BFAR: variants seen among roughly 807,000 people sequenced by gnomAD.
BFAR encodes bifunctional apoptosis regulator.
A neutral mutation model predicts 54.4 loss-of-function variants in BFAR; 52 were observed. That is an observed-to-expected ratio of 0.96 (90% confidence interval 0.77 to 1.21). The LOEUF is 1.21. Among genes scored for constraint, BFAR ranks in the 50% most tolerant of loss-of-function variants. The pLI is 0.00. For synonymous variants in BFAR, 215 were observed against 204.3 expected (o/e 1.05, Z -0.45); for missense variants, 571 against 534.0 (o/e 1.07, Z -0.68).
intron 1 of BFAR, among the ~76,000 whole-genome samples, chr16:14,643,251 C>T (rs550232407): frequency 1.3e-5 from 2 of 151,618 alleles, no homozygotes; most frequent in Non-Finnish European, 2.9e-5. Flanking sequence ...CAGAGGTTGA[C>T]GTGAGCCAAG....
intron 1 of BFAR, chr16:14,633,584 C>T (rs1359895410): frequency 6.6e-6 from 1 of 152,284 alleles, no homozygotes; most frequent in African/African-American, 2.4e-5. Flanking sequence ...CACACTGGGG[C>T]CAGGCAAGAA....
intron 1 of BFAR, among the ~76,000 whole-genome samples, chr16:14,642,910 T>C (rs1361384391): frequency 6.6e-6 from 1 of 152,212 alleles, no homozygotes; most frequent in Non-Finnish European, 1.5e-5. Flanking sequence ...GCATAGTAGC[T>C]CACACCTGTA....
At chr16:14,667,546 C>T in intron 7 of BFAR, 89 bp from the exon 8 acceptor site, 1 of 1,280,666 alleles carries the variant, frequency 7.8e-7, no homozygotes, top group Non-Finnish European at 1.1e-6. Context: ...CCATGCTCTT[C>T]CCAGCACCCA....
Position 14,664,981 on chromosome 16 carries a change from G to C in BFAR, c.1070G>C (p.Trp357Ser). Residue 357 changes from tryptophan (W) to serine (S), a missense_variant, in exon 7 of 8, where the codon TGG (tryptophan) becomes TCG (serine). Transcript: ENST00000261658. ...FAWDWLEVHY[W>S]TSRFLIINAM... ...TGGGACTGGTTGGAGGTCCATTACT[G>C]GACATCACGGTTTCTCATCATCAAT... The C allele has an allele frequency of 6.2e-7, 1 of 1,613,930 alleles. No individual in the cohort carries two copies. The highest frequency in any genetic ancestry group is 8.5e-7 in the Non-Finnish European group (1 of 1,179,826).
chr16:14,637,638 C>T (rs1959492530), intron 1 of BFAR, among the ~76,000 whole-genome samples: 1 of 152,140 alleles, frequency 6.6e-6, no homozygotes, highest in Admixed American at 6.6e-5. Flanking sequence ...GAGTTTGAGA[C>T]CAGCCTGGCC....
chr16:14,658,114 AAG>A (rs1342232002), intron 5 of BFAR, among the ~76,000 whole-genome samples: 2 of 152,180 alleles, frequency 1.3e-5, no homozygotes, highest in Non-Finnish European at 1.5e-5. Flanking sequence ...AGGCAAAAGT[AAG>A]AGAAAGGAAA....
chr16:14,663,566 C>T (rs1335125102), intron 6 of BFAR, among the ~76,000 whole-genome samples: 1 of 150,450 alleles, frequency 6.6e-6, no homozygotes, highest in Non-Finnish European at 1.5e-5. Flanking sequence ...CTCCTGACCT[C>T]GTAATCCGCC....
Position 14,664,884 on chromosome 16 carries a change from A to C in BFAR, c.973A>C (p.Thr325Pro), listed in dbSNP as rs771609214. The change falls in exon 7 of 8, where the codon ACG (threonine) becomes CCG (proline). Residue 325 changes from threonine (T) to proline (P), a missense_variant. Transcript: ENST00000261658. ...ATTTTTTAAGGATCTTAAGGAGCCT[A>C]CGTGGAAGCAGTGGAGAGAGTTCCT... ...VTKLLDLKEP[T>P]WKQWREFLVK... 1 of 1,613,796 alleles carries C rather than the reference A, an allele frequency of 6.2e-7. No individual in the cohort carries two copies. The highest frequency in any genetic ancestry group is 8.5e-7 in the Non-Finnish European group (1 of 1,179,708).
In BFAR at chr16:14,668,797, C is replaced by G. The variant is rs1960514439; in HGVS notation, c.*970C>G. 1 of 171,450 alleles carries G rather than the reference C, an allele frequency of 5.8e-6. No homozygotes were observed. Among genetic ancestry groups the G allele is most frequent in the Non-Finnish European group, 1.3e-5 (1 of 79,754 alleles). The allele number at this position is 171,450 out of a possible 1,614,324, so 10.6% of individuals were successfully genotyped here. A position where few individuals can be genotyped will look rare whatever the true frequency, so the allele number is the denominator to read the frequency against. ...GGTTGCAGGGAGGGAGACTGCACCA[C>G]TGCACTTCAGCCTGGGTGACAGAGG... On this transcript the variant is annotated 3_prime_UTR_variant, in exon 8 of 8. Transcript: ENST00000261658.
intron 5 of BFAR, among the ~76,000 whole-genome samples, chr16:14,659,287 G>T (rs1487534035): frequency 6.7e-6 from 1 of 149,238 alleles, no homozygotes; most frequent in Non-Finnish European, 1.5e-5. Context: ...CTGCCTCCAG[G>T]ATGGAGTGCA....
chr16:14,660,725 A>G (rs1236781650), intron 5 of BFAR, among the ~76,000 whole-genome samples: 1 of 149,772 alleles, frequency 6.7e-6, no homozygotes, highest in Admixed American at 6.7e-5. Context: ...ACATAGTGAA[A>G]CCCAGTGTCT....
intron 4 of BFAR, among the ~76,000 whole-genome samples, chr16:14,654,457 T>C (rs1466955550): frequency 6.6e-6 from 1 of 151,170 alleles, no homozygotes; most frequent in Non-Finnish European, 1.5e-5. Context: ...TAGGAGTGCC[T>C]TGGGAAAGTC....
chr16:14,635,282 C>CAA (rs1959396983), intron 1 of BFAR, among the ~76,000 whole-genome samples: 3 of 152,126 alleles, frequency 2.0e-5, no homozygotes, highest in Admixed American at 2.0e-4. Flanking sequence ...TTGCAGTGAG[C>CAA]CGAGATTGTG....
Position 14,649,843 on chromosome 16 carries a change from G to C in BFAR, c.508G>C (p.Glu170Gln). Residue 170 changes from glutamate (E) to glutamine (Q), a missense_variant, in exon 4 of 8, where the codon GAA (glutamate) becomes CAA (glutamine). Glu to Gln is a conservative substitution (Grantham distance 29). Coordinates refer to ENST00000261658, the MANE Select transcript of BFAR (RefSeq NM_016561.3). Reference protein sequence around the residue: ...LVYHWSSRESEHDLLVHKAVA... With the variant: ...LVYHWSSRESQHDLLVHKAVA... ...CTATCACTGGAGCAGCAGGGAATCT[G>C]AACACGACCTCCTGGTCCACAAGGC... is the stretch of plus-strand genomic sequence containing the variant. 6.2e-7 allele frequency: 1 copy of C among 1,611,708 alleles called. No homozygotes were observed. The highest frequency in any genetic ancestry group is 8.5e-7 in the Non-Finnish European group (1 of 1,178,720).
At chr16:14,637,234 C>A (rs565861877) in intron 1 of BFAR, among the ~76,000 whole-genome samples, 26 of 152,036 alleles carry the variant, frequency 1.7e-4, no homozygotes, top group African/African-American at 5.8e-4. Flanking sequence ...CTCAGCTGTG[C>A]AGTAGCATCT....
At chr16:14,644,154 CTG>C (rs1265697087) in intron 1 of BFAR, 118 bp from the exon 2 acceptor site, 17 of 614,480 alleles carry the variant, frequency 2.8e-5, no homozygotes, top group South Asian at 1.9e-4. Flanking sequence ...GAGAGCAAGA[CTG>C]TGTCTCAAAA....
At chr16:14,639,033 C>T (rs1415217433) in intron 1 of BFAR, among the ~76,000 whole-genome samples, 1 of 152,070 alleles carries the variant, frequency 6.6e-6, no homozygotes, top group East Asian at 1.9e-4. Context: ...TATTAATTGA[C>T]TTTCCTAAGT....
At chr16:14,633,345 G>A (rs1480583534) in intron 1 of BFAR, 1 of 152,358 alleles carries the variant, frequency 6.6e-6, no homozygotes. Flanking sequence ...GAAGGAGGAG[G>A]GGTCGCTTCC....
chr16:14,647,835 A>T (rs1292072022), intron 2 of BFAR, among the ~76,000 whole-genome samples: 3 of 152,242 alleles, frequency 2.0e-5, no homozygotes, highest in African/African-American at 7.2e-5. Flanking sequence ...AAATGCATTT[A>T]AAATTGTGAT....
Sources: allele counts gnomAD v4.1 joint callset (sites outside exome capture counted in the v4.1 genomes callset), GRCh38; gene constraint gnomAD v4.1.1; transcripts MANE v1.5; gene names NCBI Gene and HGNC (gene_info 2026-07-23, HGNC 2026-07-21).